The following FHIP1B variants were observed in gnomAD, a reference collection of about 807,000 sequenced individuals.
FHIP1B encodes FHF complex subunit HOOK-interacting protein 1B.
A neutral mutation model predicts 82.2 loss-of-function variants in FHIP1B; 28 were observed. The observed-to-expected ratio is 0.34, with a 90% CI of 0.25 to 0.47. The LOEUF is 0.47. Ranked by LOEUF, FHIP1B falls within the 20% of genes least tolerant of loss-of-function variation. FHIP1B has a pLI of 1.00. For missense variants in FHIP1B, 1,110 were observed against 1,262.6 expected (o/e 0.88, Z 1.83); for synonymous variants, 585 against 516.1 (o/e 1.13, Z -1.81).
chr11:6,224,592 T>G lies in FHIP1B; in HGVS notation c.-76A>C, dbSNP rs1057368061. On this transcript the variant is annotated 5_prime_UTR_variant, in exon 2 of 12. Transcript: ENST00000449352. ...GCCAGCTGGAGGTTTTCTCCACTTG[T>G]GTCTCCAGTCTGCTTCATCCGGTCT... The G allele has an allele frequency of 1.0e-5, 15 of 1,473,126 alleles. No homozygotes were observed. Among genetic ancestry groups the G allele is most frequent in the Non-Finnish European group, 1.4e-5 (15 of 1,097,254 alleles). 91.3% of individuals were successfully genotyped at this position (1,473,126 alleles called of 1,614,324 possible). A position where few individuals can be genotyped will look rare whatever the true frequency, so the allele number is the denominator to read the frequency against.
chr11:6,213,239 TAC>T (rs1847123930), intron 11 of FHIP1B, among the ~76,000 whole-genome samples: 1 of 152,238 alleles, frequency 6.6e-6, no homozygotes, highest in Non-Finnish European at 1.5e-5. Flanking sequence ...TCCCAACCCA[TAC>T]ACTTTTCTCA....
chr11:6,211,987 G>A, intron 11 of FHIP1B, 120 bp from the exon 12 acceptor site: 1 of 1,426,424 alleles, frequency 7.0e-7, no homozygotes, highest in Non-Finnish European at 9.1e-7. Context: ...CTGAGGAAAT[G>A]GAAAAAAGGA....
At chr11:6,222,920 G>A (rs190212630) in intron 4 of FHIP1B, 23 bp from the exon 5 acceptor site, 1 of 1,611,922 alleles carries the variant, frequency 6.2e-7, no homozygotes, top group South Asian at 1.1e-5. Flanking sequence ...CAGAGAGAAG[G>A]GGGAGGGTTA....
At chr11:6,229,054 A>T (rs1466602796) in intron 1 of FHIP1B, among the ~76,000 whole-genome samples, 3 of 152,232 alleles carry the variant, frequency 2.0e-5, no homozygotes, top group African/African-American at 7.2e-5. Flanking sequence ...ACCCAGCTTG[A>T]GCTATCTGCC....
chr11:6,230,542 T>A (rs1207451245), intron 1 of FHIP1B, among the ~76,000 whole-genome samples: 2 of 152,220 alleles, frequency 1.3e-5, no homozygotes, highest in Non-Finnish European at 2.9e-5. Context: ...CTCAGACAAA[T>A]GGGATGTCAG....
chr11:6,226,523 A>G (rs1315845827), intron 1 of FHIP1B, among the ~76,000 whole-genome samples: 1 of 152,240 alleles, frequency 6.6e-6, no homozygotes, highest in East Asian at 1.9e-4. Context: ...CAGAGTTAAT[A>G]TTGAACTTAG....
intron 1 of FHIP1B, among the ~76,000 whole-genome samples, chr11:6,228,193 A>C (rs1304097716): frequency 6.6e-6 from 1 of 152,156 alleles, no homozygotes; most frequent in African/African-American, 2.4e-5. Context: ...ATTTTAAAAA[A>C]TACAAAATTA....
chr11:6,231,733 A>T (rs1847705444), intron 1 of FHIP1B, among the ~76,000 whole-genome samples: 1 of 151,800 alleles, frequency 6.6e-6, no homozygotes, highest in African/African-American at 2.4e-5. Flanking sequence ...TTGGTCTCAA[A>T]CTCCTGAAGT....
Position 6,223,203 on chromosome 11 carries a change from T to C in FHIP1B, c.813A>G (p.Ser271=), listed in dbSNP as rs551119832. The C allele has an allele frequency of 2.6e-5, 41 of 1,603,906 alleles. No homozygotes were observed. In the South Asian group the frequency reaches 4.2e-4, roughly 17 times the overall value. The change falls in exon 4 of 12, where the codon TCA becomes TCG. Residue 271 remains serine (S), a synonymous_variant. Transcript: ENST00000449352. This position sits in a 1 kb window ranked among gnomAD's most constrained non-coding sequence, Gnocchi z 4.8. ...LATGLSALYS[S]LPRKIEVPGD... ...CTGGAACCTCAATCTTTCGAGGCAGTGATGAGTACAGGGCACTGAGCCCTG... is the reference window on the plus strand; with the variant it reads ...CTGGAACCTCAATCTTTCGAGGCAGCGATGAGTACAGGGCACTGAGCCCTG...
Position 6,211,546 on chromosome 11 carries a change from G to A in FHIP1B, c.2879C>T (p.Ser960Phe). The A allele has an allele frequency of 6.2e-7, 1 of 1,613,048 alleles. No individual in the cohort carries two copies. The highest frequency in any genetic ancestry group is 8.5e-7 in the Non-Finnish European group (1 of 1,179,454). The part of the protein sequence containing the change: ...PFLLETSEEG[S>F]GPLISGCGPL... ...CCCACAGCCTGAGATGAGAGGGCCA[G>A]ATCCTTCCTCTGAAGTCTCCAACAA... The change falls in exon 12 of 12, where the codon TCT becomes TTT. Residue 960 changes from serine to phenylalanine, a missense_variant. Ser to Phe is a radical substitution (Grantham distance 155). Around this residue, in one of 6 missense-constraint regions of FHIP1B, gnomAD observed 29 missense variants for 21.5 expected, o/e 1.35. Transcript: ENST00000449352.
Position 6,223,830 on chromosome 11 carries a change from C to A in FHIP1B, c.557G>T (p.Cys186Phe), listed in dbSNP as rs1847484954. The change falls in exon 3 of 12, where the codon TGT becomes TTT. Residue 186 changes from cysteine (C) to phenylalanine (F), a missense_variant. Around this residue, in one of 6 missense-constraint regions of FHIP1B, gnomAD observed 467 missense variants for 602.9 expected, o/e 0.77. Coordinates refer to ENST00000449352, the MANE Select transcript of FHIP1B (RefSeq NM_001098794.2). The surrounding 1 kb of genome is among the most constrained non-coding windows in gnomAD (Gnocchi z 4.8). ...GAGCAATGAAGGCTCCTGGGCCACA[C>A]AAACACACAGCTGGCTGAGAAGTAG... ...LVLLLSQLCVCVAQEPSLLEF... is the reference protein window; with the variant it reads ...LVLLLSQLCVFVAQEPSLLEF... The A allele has an allele frequency of 6.2e-7, 1 of 1,614,104 alleles. No homozygotes were observed. Among genetic ancestry groups the A allele is most frequent in the African/African-American group, 1.3e-5 (1 of 74,942 alleles).
At chr11:6,220,371 C>T (rs576149143) in intron 6 of FHIP1B, among the ~76,000 whole-genome samples, 12 of 152,116 alleles carry the variant, frequency 7.9e-5, no homozygotes, top group Admixed American at 5.2e-4. Context: ...ACCCCACCCC[C>T]CAAAATTTTG....
rs1847298500 is a variant in FHIP1B at position 6,218,095 on chromosome 11, G to A, written c.1491C>T (p.Ser497=). 6.2e-7 allele frequency: 1 copy of A among 1,613,488 alleles called. No individual in the cohort carries two copies. The highest frequency in any genetic ancestry group is 1.7e-5 in the Admixed American group (1 of 59,938). ...GGAAGAGAGCCAGACGAGATGGTGTGGAGGGCCGGGGTACTGTCGTCACAG... is the reference window on the plus strand; with the variant it reads ...GGAAGAGAGCCAGACGAGATGGTGTAGAGGGCCGGGGTACTGTCGTCACAG... ...SSSVTTVPRP[S]TPSRLALFLR... Residue 497 remains serine (S), a synonymous_variant, in exon 9 of 12, where the codon TCC becomes TCT. Coordinates refer to ENST00000449352, the MANE Select transcript of FHIP1B (RefSeq NM_001098794.2).
In FHIP1B at chr11:6,219,023, T is replaced by C; in HGVS notation, c.1219A>G (p.Arg407Gly). 1 of 1,613,494 alleles carries C rather than the reference T, an allele frequency of 6.2e-7. No homozygotes were observed. Among genetic ancestry groups the C allele is most frequent in the Non-Finnish European group, 8.5e-7 (1 of 1,179,768 alleles). ...TCACAGCTGAGGTTCAGGAGGGTCC[T>C]GAAGAGACTCAGAGAGACCATGCAG... is the stretch of plus-strand genomic sequence containing the variant. ...RLCMVSLSLF[R>G]TLLNLSCEDV... Residue 407 changes from arginine to glycine, a missense_variant, in exon 7 of 12, where the codon AGG becomes GGG. Arg to Gly is a moderately radical substitution (Grantham distance 125). Coordinates refer to ENST00000449352, the MANE Select transcript of FHIP1B (RefSeq NM_001098794.2).
At chr11:6,219,232 C>T (rs138487643) in intron 6 of FHIP1B, among the ~76,000 whole-genome samples, 182 bp from the exon 7 acceptor site, 190 of 152,348 alleles carry the variant, frequency 1.2e-3, no homozygotes, top group African/African-American at 4.3e-3. Context: ...GATGATCACA[C>T]GATCTTTGCG....
In FHIP1B at chr11:6,223,316, C is replaced by T; in HGVS notation, c.778-78G>A. On this transcript the variant is annotated intron_variant, in intron 3 of 11. Coordinates refer to ENST00000449352, the MANE Select transcript of FHIP1B (RefSeq NM_001098794.2). This position sits in a 1 kb window ranked among gnomAD's most constrained non-coding sequence, Gnocchi z 4.8. ...AACTGGAACAGGGGAGCTAGTAATC[C>T]AGAGTTTTGATGGGAATAGGGGTAT... 5 of 1,457,118 alleles carry T rather than the reference C, an allele frequency of 3.4e-6. No homozygotes were observed. The highest frequency in any genetic ancestry group is 2.4e-4 in the Middle Eastern group (1 of 4,106). 90.3% of individuals were successfully genotyped at this position (1,457,118 alleles called of 1,614,324 possible).
chr11:6,228,802 G>T (rs756369373), intron 1 of FHIP1B, among the ~76,000 whole-genome samples: 1 of 148,794 alleles, frequency 6.7e-6, no homozygotes, highest in Non-Finnish European at 1.5e-5. Context: ...CAGCAACAAA[G>T]ACTAGTAGCC....
At chr11:6,219,447 G>A (rs191636275) in intron 6 of FHIP1B, among the ~76,000 whole-genome samples, 1 of 152,334 alleles carries the variant, frequency 6.6e-6, no homozygotes, top group East Asian at 1.9e-4. Flanking sequence ...CCTGCCAGAA[G>A]GGACTGTAGC....
At chr11:6,218,859 A>AGG in intron 7 of FHIP1B, 96 bp from the exon 8 acceptor site, 1 of 1,569,478 alleles carries the variant, frequency 6.4e-7, no homozygotes, top group Non-Finnish European at 8.8e-7. Context: ...TGGTTAAGCC[A>AGG]GGCTCCAAGT....
Sources: allele counts gnomAD v4.1 joint callset (sites outside exome capture counted in the v4.1 genomes callset), GRCh38; gene constraint gnomAD v4.1.1; regional missense constraint gnomAD v4.1.1; non-coding constraint Gnocchi (gnomAD v3.1); transcripts MANE v1.5; gene names NCBI Gene and HGNC (gene_info 2026-07-23, HGNC 2026-07-21).